Variants in LRGUK observed in about 807,000 individuals in gnomAD.
LRGUK encodes leucine-rich repeat and guanylate kinase domain-containing protein.
LRGUK carries 65 observed loss-of-function variants against 76.0 expected under a neutral mutation model. The observed-to-expected ratio is 0.85, with a 90% confidence interval of 0.70 to 1.05. The LOEUF (loss-of-function observed/expected upper bound fraction) is 1.05, where lower values mean the gene tolerates loss of function less well. LRGUK is among the 50% of genes least tolerant of loss of function. The pLI, the probability that LRGUK is intolerant of heterozygous loss-of-function variation, is 0.00. For synonymous variants in LRGUK, 268 were observed against 265.6 expected (o/e 1.01, Z -0.09); for missense variants, 758 against 732.8 (o/e 1.03, Z -0.40).
intron 11 of LRGUK, among the ~76,000 whole-genome samples, chr7:134,188,031 T>G (rs1356361205): frequency 6.6e-6 from 1 of 152,234 alleles, no homozygotes; most frequent in Non-Finnish European, 1.5e-5. Context: ...TTTATACACA[T>G]GTGACAAATT....
At chr7:134,142,669 G>A (rs547093489) in intron 3 of LRGUK, among the ~76,000 whole-genome samples, 1 of 152,260 alleles carries the variant, frequency 6.6e-6, no homozygotes, top group Non-Finnish European at 1.5e-5. Flanking sequence ...TTATTTAGGG[G>A]CTAATTATCA....
At chr7:134,214,511 A>C (rs1367757892), downstream of LRGUK, among the ~76,000 whole-genome samples, 1 of 152,196 alleles carries the variant, frequency 6.6e-6, no homozygotes, top group African/African-American at 2.4e-5. Flanking sequence ...GGATTTTAGA[A>C]ATAAGTTATG....
At chr7:134,172,996 T>C (rs1236662536) in intron 7 of LRGUK, among the ~76,000 whole-genome samples, 1 of 151,532 alleles carries the variant, frequency 6.6e-6, no homozygotes, top group East Asian at 1.9e-4. Context: ...CAAAAATAAA[T>C]AAATAAATAA....
chr7:134,256,452 T>G (rs941479779), intron 18 of LRGUK, among the ~76,000 whole-genome samples: 7 of 133,932 alleles, frequency 5.2e-5, no homozygotes, highest in African/African-American at 2.1e-4. Context: ...AGAGCGAAAC[T>G]CTGTCTCAAA....
chr7:134,142,491 A>C (rs1257276008), intron 3 of LRGUK, among the ~76,000 whole-genome samples: 1 of 152,242 alleles, frequency 6.6e-6, no homozygotes, highest in Non-Finnish European at 1.5e-5. Context: ...ACTCGGATGT[A>C]CGTTTGATCC....
At chr7:134,146,285 A>G (rs1035950633) in intron 4 of LRGUK, among the ~76,000 whole-genome samples, 1 of 152,090 alleles carries the variant, frequency 6.6e-6, no homozygotes, top group Non-Finnish European at 1.5e-5. Context: ...AAAAAAAAAG[A>G]AACCTAATAC....
chr7:134,169,568 C>T (rs1799159624), intron 7 of LRGUK, among the ~76,000 whole-genome samples: 1 of 151,968 alleles, frequency 6.6e-6, no homozygotes, highest in Non-Finnish European at 1.5e-5. Flanking sequence ...TTCTCTATAC[C>T]CTAAGGTTTT....
intron 15 of LRGUK, among the ~76,000 whole-genome samples, chr7:134,217,675 T>G (rs936711232): frequency 1.3e-5 from 2 of 152,186 alleles, no homozygotes; most frequent in African/African-American, 4.8e-5. Flanking sequence ...TTGCCACCTT[T>G]AGTTTTGAGA....
At chr7:134,229,406 CT>C (rs1801840925) in intron 16 of LRGUK, among the ~76,000 whole-genome samples, 1 of 151,536 alleles carries the variant, frequency 6.6e-6, no homozygotes, top group Middle Eastern at 3.2e-3. Flanking sequence ...ATCTATCTAT[CT>C]ATCTATCTAT....
intron 7 of LRGUK, among the ~76,000 whole-genome samples, chr7:134,163,927 T>C (rs147035630): frequency 0.015 from 2,334 of 152,268 alleles, 30 homozygotes; most frequent in Non-Finnish European, 0.02. Context: ...ATATCTGCCA[T>C]TTAAAGAAAA....
At chr7:134,129,401 TCCCTCCCTCCCCTCCCCAC>T (rs1411113810) in intron 1 of LRGUK, among the ~76,000 whole-genome samples, 2 of 1,166 alleles carry the variant, frequency 1.7e-3, no homozygotes, top group Non-Finnish European at 3.2e-3. Flanking sequence ...CCCCTCCCCT[TCCCTCCCTCCCCTCCCCAC>T]CCCTCCCTCC....
At chr7:134,244,979 A>G (rs962369194) in intron 16 of LRGUK, among the ~76,000 whole-genome samples, 3 of 146,950 alleles carry the variant, frequency 2.0e-5, no homozygotes, top group African/African-American at 7.6e-5. Flanking sequence ...ACATGTTCTC[A>G]CTCATAGGTG....
At chr7:134,128,695 G>A (rs1797141469) in intron 1 of LRGUK, among the ~76,000 whole-genome samples, 1 of 152,274 alleles carries the variant, frequency 6.6e-6, no homozygotes, top group South Asian at 2.1e-4. Flanking sequence ...GACTACAGGT[G>A]TGTGCCACCA....
downstream of LRGUK, chr7:134,264,717 T>G (rs1802824821): frequency 6.6e-6 from 1 of 152,234 alleles, no homozygotes; most frequent in Non-Finnish European, 1.5e-5. Context: ...TGAGCAGTTA[T>G]AGACAAGGCT....
intron 16 of LRGUK, among the ~76,000 whole-genome samples, chr7:134,226,386 C>T (rs1487563248): frequency 6.6e-6 from 1 of 152,094 alleles, no homozygotes; most frequent in East Asian, 1.9e-4. Flanking sequence ...TATACCGCCT[C>T]TGTAATCTAA....
At chr7:134,259,710 T>G (rs1802670815) in intron 19 of LRGUK, among the ~76,000 whole-genome samples, 1 of 151,954 alleles carries the variant, frequency 6.6e-6, no homozygotes, top group African/African-American at 2.4e-5. Context: ...AGGATGAGAG[T>G]TCTAACACCA....
chr7:134,209,561 C>T, exon 16 of LRGUK: 1 of 398,960 alleles, frequency 2.5e-6, no homozygotes, highest in Non-Finnish European at 4.4e-6. Flanking sequence ...GCTGCCCCAG[C>T]CTCAGGTGCT....
At chr7:134,133,489 C>G (rs370274997) in intron 1 of LRGUK, among the ~76,000 whole-genome samples, 27 of 152,262 alleles carry the variant, frequency 1.8e-4, no homozygotes, top group African/African-American at 6.0e-4. Context: ...AATTTGCTTG[C>G]GTACTTGTCT....
chr7:134,217,557 G>A (rs1801467600), intron 15 of LRGUK, among the ~76,000 whole-genome samples: 1 of 151,942 alleles, frequency 6.6e-6, no homozygotes, highest in Non-Finnish European at 1.5e-5. Context: ...AAATTATCAT[G>A]GATACTATGC....
Sources: allele counts gnomAD v4.1 joint callset (sites outside exome capture counted in the v4.1 genomes callset), GRCh38; gene constraint gnomAD v4.1.1; transcripts MANE v1.5; gene names NCBI Gene and HGNC (gene_info 2026-07-23, HGNC 2026-07-21).